The following CCNY variants were observed in gnomAD, a reference collection of about 807,000 sequenced individuals.
CCNY encodes the protein cyclin Y.
Under a neutral mutation model 42.8 loss-of-function variants are expected in CCNY, and 19 were observed. The ratio of observed to expected loss-of-function variants is 0.44; its 90% CI spans 0.31 to 0.65. The LOEUF is 0.65. CCNY is among the 30% of genes least tolerant of loss of function. CCNY has a pLI of 0.07. For synonymous variants in CCNY, 165 were observed against 162.7 expected (o/e 1.01, Z -0.11); for missense variants, 370 against 437.3 (o/e 0.85, Z 1.37).
chr10:35,376,719 A>G (rs1837059866), intron 1 of CCNY, among the ~76,000 whole-genome samples: 1 of 152,228 alleles, frequency 6.6e-6, no homozygotes, highest in South Asian at 2.1e-4. Flanking sequence ...TAGCCGTTAA[A>G]AGGAGGGAAG....
In CCNY at chr10:35,369,835, A is replaced by G. The variant is rs116043317; in HGVS notation, c.154+32628A>G. Among the ~76,000 whole-genome samples, 761 of 152,364 alleles carry G rather than the reference A, an allele frequency of 5.0e-3. 8 individuals are homozygous for G. Among genetic ancestry groups the G allele is most frequent in the African/African-American group, 0.017 (727 of 41,574 alleles). ...CAATATTTTTATTAGAGGTGACCAA[A>G]TACCTTAATAAAGTGTATTTGAATG... On this transcript the variant is annotated intron_variant, in intron 1 of 9. Transcript: ENST00000374704.
intron 3 of CCNY, among the ~76,000 whole-genome samples, chr10:35,302,965 G>A (rs1473713532): frequency 6.6e-6 from 1 of 152,168 alleles, no homozygotes; most frequent in Non-Finnish European, 1.5e-5. Context: ...AGAAGCCGAG[G>A]CAGGAAGATT....
intron 3 of CCNY, among the ~76,000 whole-genome samples, chr10:35,312,525 T>C (rs1835699628): frequency 6.6e-6 from 1 of 151,794 alleles, no homozygotes. Context: ...TCATTCCTGA[T>C]CCATGGGCTG....
intron 1 of CCNY, among the ~76,000 whole-genome samples, chr10:35,454,358 G>A (rs1838984133): frequency 6.6e-6 from 1 of 152,220 alleles, no homozygotes; most frequent in South Asian, 2.1e-4. Context: ...AGACTCCGCC[G>A]TAGCGGTTCA....
intron 3 of CCNY, among the ~76,000 whole-genome samples, chr10:35,327,408 T>A (rs543178199): frequency 6.6e-6 from 1 of 152,352 alleles, no homozygotes; most frequent in East Asian, 1.9e-4. Flanking sequence ...CATGGGCATT[T>A]AGGTTGCATT....
chr10:35,421,339 G>A (rs1389523100), intron 1 of CCNY, among the ~76,000 whole-genome samples: 1 of 152,164 alleles, frequency 6.6e-6, no homozygotes, highest in African/African-American at 2.4e-5. Context: ...TTTATCATGG[G>A]TGCTTGGCAC....
At chr10:35,450,789 A>G (rs1418472822) in intron 1 of CCNY, among the ~76,000 whole-genome samples, 1 of 151,092 alleles carries the variant, frequency 6.6e-6, no homozygotes, top group African/African-American at 2.4e-5. Flanking sequence ...GATATTTTTG[A>G]CATAATTTTT....
chr10:35,273,231 T>C (rs1265027612), intron 3 of CCNY, among the ~76,000 whole-genome samples: 1 of 151,994 alleles, frequency 6.6e-6, no homozygotes, highest in Non-Finnish European at 1.5e-5. Context: ...AGATGGAGTT[T>C]CGCTCTGTCA....
At chr10:35,498,449 C>G (rs1217560814) in intron 2 of CCNY, among the ~76,000 whole-genome samples, 1 of 152,170 alleles carries the variant, frequency 6.6e-6, no homozygotes, top group Non-Finnish European at 1.5e-5. Flanking sequence ...GTCAGATCTG[C>G]TGCTTCACTC....
At chr10:35,505,706 T>C (rs1380091295) in intron 3 of CCNY, among the ~76,000 whole-genome samples, 1 of 152,234 alleles carries the variant, frequency 6.6e-6, no homozygotes, top group Non-Finnish European at 1.5e-5. Context: ...CATATACGTA[T>C]GTTGTATTAT....
chr10:35,266,498 G>A (rs1018027788), intron 3 of CCNY, among the ~76,000 whole-genome samples: 1 of 151,868 alleles, frequency 6.6e-6, no homozygotes, highest in Non-Finnish European at 1.5e-5. Context: ...TCTCTCTCAC[G>A]CGTGGACACA....
rs115200200 is a variant in CCNY at position 35,407,993 on chromosome 10, C to T, written c.154+70786C>T. On this transcript the variant is annotated intron_variant, in intron 1 of 9. Transcript: ENST00000374704. ...CGTGACTGGCGCTGGAGTTTTGGGTCAATGGATAAAATATGTCTCCTTTGT... is the reference window on the plus strand; with the variant it reads ...CGTGACTGGCGCTGGAGTTTTGGGTTAATGGATAAAATATGTCTCCTTTGT... Among the ~76,000 whole-genome samples the T allele has an allele frequency of 6.8e-3, 1,030 of 152,148 alleles. 12 individuals are homozygous for T. The highest frequency in any genetic ancestry group is 0.024 in the African/African-American group (984 of 41,488).
intron 1 of CCNY, among the ~76,000 whole-genome samples, chr10:35,435,620 C>T (rs578233993): frequency 6.6e-6 from 1 of 152,298 alleles, no homozygotes; most frequent in South Asian, 2.1e-4. Flanking sequence ...AGTCAAGCTG[C>T]CGTTACAGCT....
intron 3 of CCNY, among the ~76,000 whole-genome samples, chr10:35,331,152 G>T (rs1835939348): frequency 6.6e-6 from 1 of 152,132 alleles, no homozygotes; most frequent in Non-Finnish European, 1.5e-5. Flanking sequence ...CTTTGAGCTG[G>T]GCATACTGCT....
At chr10:35,283,180 T>C (rs916330906) in intron 3 of CCNY, among the ~76,000 whole-genome samples, 1 of 152,192 alleles carries the variant, frequency 6.6e-6, no homozygotes, top group African/African-American at 2.4e-5. Context: ...TGTACTATCA[T>C]TGATGACACT....
chr10:35,540,886 C>G (rs145351113), intron 7 of CCNY, among the ~76,000 whole-genome samples: 5 of 152,122 alleles, frequency 3.3e-5, no homozygotes, highest in African/African-American at 4.8e-5. Context: ...TCTGATTTTA[C>G]TTATTTGAGC....
At chr10:35,383,331 G>A (rs761330885) in intron 1 of CCNY, among the ~76,000 whole-genome samples, 1 of 151,106 alleles carries the variant, frequency 6.6e-6, no homozygotes, top group Non-Finnish European at 1.5e-5. Context: ...TTTTTAAGAT[G>A]GTGTTTTGCT....
chr10:35,518,527 A>G (rs538732157), intron 4 of CCNY, among the ~76,000 whole-genome samples: 5 of 138,058 alleles, frequency 3.6e-5, no homozygotes, highest in Middle Eastern at 3.6e-3. Flanking sequence ...AATCTGGCTG[A>G]GGTAAATTGT....
intron 3 of CCNY, among the ~76,000 whole-genome samples, chr10:35,295,666 C>G (rs1287260351): frequency 6.6e-6 from 1 of 152,016 alleles, no homozygotes; most frequent in Non-Finnish European, 1.5e-5. Context: ...TTGTGTCTGG[C>G]TTATTTCTCT....
Sources: gnomAD v4.1 joint callset for allele counts (sites outside exome capture counted in the v4.1 genomes callset) on GRCh38, gnomAD v4.1.1 for gene constraint, MANE v1.5 for transcripts, NCBI Gene and HGNC (gene_info 2026-07-23, HGNC 2026-07-21) for gene names.